GINS4: variants seen among roughly 807,000 people sequenced by gnomAD.
The protein encoded by GINS4 is GINS complex subunit 4.
Under a neutral mutation model 31.1 loss-of-function variants are expected in GINS4, and 20 were observed. The ratio of observed to expected loss-of-function variants is 0.64; its 90% CI spans 0.45 to 0.93. The LOEUF is 0.93. Among genes scored for constraint, GINS4 ranks in the 40% least tolerant of loss-of-function variants. The pLI is 0.00. For missense variants in GINS4, 245 were observed against 273.9 expected, an observed-to-expected ratio of 0.89 and a Z score of 0.75; for synonymous variants, 85 against 97.9, an observed-to-expected ratio of 0.87 and a Z score of 0.78.
chr8:41,539,018 C>T (rs997624352), intron 4 of GINS4, among the ~76,000 whole-genome samples: 2 of 150,842 alleles, frequency 1.3e-5, no homozygotes, highest in African/African-American at 4.9e-5. Flanking sequence ...TTTTTGATGG[C>T]ATGCTTACCA....
intron 6 of GINS4, chr8:41,540,423 G>A (rs973424467): frequency 4.7e-6 from 1 of 211,232 alleles, no homozygotes; most frequent in Non-Finnish European, 9.6e-6. Flanking sequence ...AGCTGGAGGG[G>A]AGGGCTGAAA....
intron 4 of GINS4, among the ~76,000 whole-genome samples, chr8:41,538,717 T>C (rs966172296): frequency 6.7e-6 from 1 of 149,360 alleles, no homozygotes; most frequent in Admixed American, 6.6e-5. Flanking sequence ...TGTTTTTTTG[T>C]TTTTTTTGAC....
intron 4 of GINS4, 122 bp downstream of exon 4, chr8:41,537,415 C>T: frequency 1.5e-6 from 1 of 647,426 alleles, no homozygotes; most frequent in Non-Finnish European, 2.8e-6. Context: ...CTGCTAAGAG[C>T]CCAATATCCA....
At position 41,534,959 on chromosome 8, in the gene GINS4, G is replaced by A. The variant is rs187956076; in HGVS notation, c.97-1401G>A. Among the ~76,000 whole-genome samples, 23 of 152,070 alleles carry A rather than the reference G, an allele frequency of 1.5e-4. No individual in the cohort carries two copies. The East Asian group carries it at 3.3e-3, about 22-fold the overall frequency. ...CAGGATGGTTTGATCTCCTGACCTC[G>A]TGATCCGCCTGCCTCGGCCTCCCAA... On this transcript the variant is annotated intron_variant, in intron 2 of 7. Transcript: ENST00000276533.
chr8:41,539,890 C>G, intron 5 of GINS4, 26 bp from the exon 6 acceptor site: 1 of 1,609,190 alleles, frequency 6.2e-7, no homozygotes, highest in Non-Finnish European at 8.5e-7. Context: ...GTGTACACCA[C>G]AGCGATTTGA....
At position 41,539,780 on chromosome 8, in the gene GINS4, G is replaced by A. The variant is rs1585623455; in HGVS notation, c.395+5G>A. 1.2e-6 allele frequency: 2 copies of A among 1,612,776 alleles called. No individual in the cohort carries two copies. The highest frequency in any genetic ancestry group is 1.7e-6 in the Non-Finnish European group (2 of 1,178,764). ...AGAGTTGGCCTTTGCCAGAGAGTGA[G>A]TGAGTGAGCCGTTGGCGTGGGGCAC... On this transcript the variant is annotated splice_donor_5th_base_variant and intron_variant, in intron 5 of 7. Coordinates refer to ENST00000276533, the MANE Select transcript of GINS4 (RefSeq NM_032336.3).
chr8:41,535,436 T>G (rs1238255669), intron 2 of GINS4, among the ~76,000 whole-genome samples: 2 of 152,178 alleles, frequency 1.3e-5, no homozygotes, highest in Non-Finnish European at 2.9e-5. Context: ...TTCCCATGCA[T>G]TATGCAGGTT....
Position 41,536,465 on chromosome 8 carries a change from G to A in GINS4, c.183+19G>A, listed in dbSNP as rs1224181753. 6.7e-7 allele frequency: 1 copy of A among 1,489,460 alleles called. No homozygotes were observed. Among genetic ancestry groups the A allele is most frequent in the Non-Finnish European group, 9.4e-7 (1 of 1,068,196 alleles). 92.3% of individuals were successfully genotyped at this position (1,489,460 alleles called of 1,614,324 possible). A position where few individuals can be genotyped will look rare whatever the true frequency, so the allele number is the denominator to read the frequency against. On this transcript the variant is annotated intron_variant, in intron 3 of 7. Coordinates refer to ENST00000276533, the MANE Select transcript of GINS4 (RefSeq NM_032336.3). The stretch of plus-strand genomic sequence containing the variant: ...GCACATGGTAAGAGTCGCTTGTCTT[G>A]GGTTGACAAAGGAGGAGAAAGGTAA...
chr8:41,534,219 C>T (rs1188565145), intron 2 of GINS4: 1 of 412,480 alleles, frequency 2.4e-6, no homozygotes. Context: ...CTGTAGGCAA[C>T]ATGGTAAAAC....
intron 6 of GINS4, among the ~76,000 whole-genome samples, chr8:41,541,574 G>A (rs1233219520): frequency 2.6e-5 from 4 of 152,176 alleles, no homozygotes; most frequent in Non-Finnish European, 4.4e-5. Context: ...ACCCATACCA[G>A]ACTTGTGGAA....
At chr8:41,539,540 T>G in intron 4 of GINS4, 138 bp from the exon 5 acceptor site, 1 of 681,248 alleles carries the variant, frequency 1.5e-6, no homozygotes, top group Non-Finnish European at 2.7e-6. Flanking sequence ...TTATGGTGTG[T>G]CTCTCCACCC....
intron 2 of GINS4, among the ~76,000 whole-genome samples, chr8:41,531,381 T>G (rs35389532): frequency 0.2 from 30,154 of 152,174 alleles, 3,197 homozygotes; most frequent in East Asian, 0.32. Context: ...ATCTGACACA[T>G]GATAAGCACT....
At chr8:41,539,801 G>T (rs376006720) in intron 5 of GINS4, 26 bp downstream of exon 5, 3 of 1,602,918 alleles carry the variant, frequency 1.9e-6, no homozygotes, top group South Asian at 1.1e-5. Flanking sequence ...GTTGGCGTGG[G>T]GCACCTGGCT....
chr8:41,541,997 C>T lies in GINS4; in HGVS notation c.582C>T (p.Tyr194=), dbSNP rs749526438. 3.7e-6 allele frequency: 6 copies of T among 1,613,834 alleles called. No homozygotes were observed. Among genetic ancestry groups the T allele is most frequent in the Admixed American group, 1.7e-5 (1 of 59,996 alleles). Residue 194 remains tyrosine (Y), a synonymous_variant, in exon 8 of 8, where the codon TAC becomes TAT. Transcript: ENST00000276533. ...GTGTTTCCCTCTTTTTCAGGGACTACGTGATTGACCTGGAGAAGGGCTCAC... is the reference window on the plus strand; with the variant it reads ...GTGTTTCCCTCTTTTTCAGGGACTATGTGATTGACCTGGAGAAGGGCTCAC... ...VEPDTDEQRD[Y]VIDLEKGSQH...
In GINS4 at chr8:41,537,271, A is replaced by G. The variant is rs755093330; in HGVS notation, c.275A>G (p.Tyr92Cys). 1.2e-6 allele frequency: 2 copies of G among 1,613,134 alleles called. No individual in the cohort carries two copies. Among genetic ancestry groups the G allele is most frequent in the Non-Finnish European group, 8.5e-7 (1 of 1,179,274 alleles). The change falls in exon 4 of 8, where the codon TAC becomes TGC. Residue 92 changes from tyrosine (Y) to cysteine (C), a missense_variant. Coordinates refer to ENST00000276533, the MANE Select transcript of GINS4 (RefSeq NM_032336.3). ...AGGATCCGCTACGTCCTCAGCAGCT[A>G]CTTGCGGTGTCGCCTCATGAAGGTT... ...MERIRYVLSS[Y>C]LRCRLMKIEK...
chr8:41,537,501 C>T (rs1209012180), intron 4 of GINS4: 1 of 508,492 alleles, frequency 2.0e-6, no homozygotes, highest in Non-Finnish European at 3.5e-6. Flanking sequence ...ACTGCGGGGA[C>T]ACCGCACACA....
intron 2 of GINS4, among the ~76,000 whole-genome samples, chr8:41,533,542 C>T (rs59807552): frequency 0.013 from 1,957 of 152,334 alleles, 37 homozygotes; most frequent in African/African-American, 0.045. Flanking sequence ...CCGCCACCTG[C>T]ACGGCTGCCA....
chr8:41,532,961 G>A (rs1157448780), intron 2 of GINS4, among the ~76,000 whole-genome samples: 1 of 152,224 alleles, frequency 6.6e-6, no homozygotes, highest in Non-Finnish European at 1.5e-5. Flanking sequence ...CATACCTGCG[G>A]CCCAGTAGTT....
intron 6 of GINS4, among the ~76,000 whole-genome samples, chr8:41,540,902 C>A (rs1806829163): frequency 6.6e-6 from 1 of 152,182 alleles, no homozygotes. Flanking sequence ...CCCCCACAGA[C>A]TCAGTGTCTG....
Sources: gnomAD v4.1 joint callset for allele counts (sites outside exome capture counted in the v4.1 genomes callset) on GRCh38, gnomAD v4.1.1 for gene constraint, MANE v1.5 for transcripts, NCBI Gene and HGNC (gene_info 2026-07-23, HGNC 2026-07-21) for gene names.